The following SLC24A3 variants were observed in gnomAD, a reference collection of about 807,000 sequenced individuals.
SLC24A3 encodes the protein sodium/potassium/calcium exchanger 3.
A neutral mutation model predicts 75.8 loss-of-function variants in SLC24A3; 28 were observed. That is an observed-to-expected ratio of 0.37 (90% CI 0.27 to 0.51). The LOEUF (loss-of-function observed/expected upper bound fraction) is 0.51, where lower values mean the gene tolerates loss of function less well. SLC24A3 is among the 20% of genes least tolerant of loss of function. SLC24A3 has a pLI of 0.94. For synonymous variants in SLC24A3, 372 were observed against 334.1 expected (o/e 1.11, Z -1.24); for missense variants, 663 against 847.8 (o/e 0.78, Z 2.71).
At chr20:19,417,177 A>C (rs1160399727) in intron 2 of SLC24A3, among the ~76,000 whole-genome samples, 1 of 152,200 alleles carries the variant, frequency 6.6e-6, no homozygotes. Flanking sequence ...ACCCGTGAAC[A>C]ACCTTTAGCA....
rs117248396 is a variant in SLC24A3 at position 19,582,819 on chromosome 20, C to T, written c.424-2152C>T. Among the ~76,000 whole-genome samples the T allele has an allele frequency of 6.3e-3, 962 of 152,230 alleles. 9 individuals are homozygous for T. The highest frequency in any genetic ancestry group is 0.027 in the Middle Eastern group (8 of 294). ...AGAGTGAACATGAACCAAAGCGCAG[C>T]GAGTGGAAGGGCCTGGCATCCCCAA... is the stretch of plus-strand genomic sequence containing the variant. On this transcript the variant is annotated intron_variant, in intron 4 of 16. Transcript: ENST00000328041.
intron 6 of SLC24A3, among the ~76,000 whole-genome samples, chr20:19,591,270 A>G (rs2031373314): frequency 6.6e-6 from 1 of 152,164 alleles, no homozygotes; most frequent in Admixed American, 6.5e-5. Flanking sequence ...CTGAAGTCAG[A>G]TTCATTCTCA....
At chr20:19,455,111 A>G (rs1474314285) in intron 2 of SLC24A3, among the ~76,000 whole-genome samples, 2 of 152,224 alleles carry the variant, frequency 1.3e-5, no homozygotes. Flanking sequence ...ATTTGCAAGT[A>G]GAATGGAGTC....
chr20:19,527,504 T>C (rs900374701), intron 3 of SLC24A3, among the ~76,000 whole-genome samples: 3 of 152,138 alleles, frequency 2.0e-5, no homozygotes, highest in African/African-American at 7.2e-5. Context: ...AAGATGAACT[T>C]TGGGGGGCCA....
chr20:19,266,646 A>G (rs1983176272), intron 1 of SLC24A3, among the ~76,000 whole-genome samples: 1 of 152,326 alleles, frequency 6.6e-6, no homozygotes, highest in Non-Finnish European at 1.5e-5. Context: ...GTCAAATTCT[A>G]CTCAATTGGA....
chr20:19,271,239 G>T (rs1460909243), intron 1 of SLC24A3, among the ~76,000 whole-genome samples: 1 of 152,026 alleles, frequency 6.6e-6, no homozygotes, highest in Non-Finnish European at 1.5e-5. Flanking sequence ...AAATGGGAAT[G>T]TCAACCTCAC....
At position 19,383,688 on chromosome 20, in the gene SLC24A3, T is replaced by C. The variant is rs534804839; in HGVS notation, c.271+102601T>C. Among the ~76,000 whole-genome samples the C allele has an allele frequency of 1.9e-4, 29 of 152,298 alleles. No individual in the cohort carries two copies. The South Asian group carries it at 6.0e-3, about 32-fold the overall frequency. ...AAAATGCCATAGACTGGGTGGCTTA[T>C]AAACAACAGAAATTTCTTTCTCACA... On this transcript the variant is annotated intron_variant, in intron 2 of 16. Transcript: ENST00000328041.
At position 19,513,738 on chromosome 20, in the gene SLC24A3, GAA is replaced by G. The variant is rs11286635; in HGVS notation, c.272-1738_272-1737del. ...ACAGGTGGGTCTTGCTTTTTTTTTA[GAA>G]AAAAAAAAAAAGCCTTTTTGAGATA... On this transcript the variant is annotated intron_variant, in intron 2 of 16. Coordinates refer to ENST00000328041, the MANE Select transcript of SLC24A3 (RefSeq NM_020689.4). 3.5e-3 allele frequency among the ~76,000 whole-genome samples: 492 copies of G among 141,762 alleles called. 3 individuals carry two copies. Among genetic ancestry groups the G allele is most frequent in the Middle Eastern group, 7.3e-3 (2 of 274 alleles). The allele number at this position is 141,762 out of a possible 152,430, so 93.0% of individuals were successfully genotyped here. A position where few individuals can be genotyped will look rare whatever the true frequency, so the allele number is the denominator to read the frequency against.
chr20:19,422,631 G>A (rs1022263779), intron 2 of SLC24A3, among the ~76,000 whole-genome samples: 5 of 152,190 alleles, frequency 3.3e-5, no homozygotes, highest in African/African-American at 7.2e-5. Flanking sequence ...TGTTCCTTCC[G>A]CAGAGTGAGG....
rs187336036 is a variant in SLC24A3 at position 19,574,986 on chromosome 20, A to G, written c.349-5014A>G. 1.8e-3 allele frequency among the ~76,000 whole-genome samples: 275 copies of G among 152,194 alleles called. 2 individuals carry two copies. Among genetic ancestry groups the G allele is most frequent in the African/African-American group, 6.2e-3 (256 of 41,524 alleles). On this transcript the variant is annotated intron_variant, in intron 3 of 16. Coordinates refer to ENST00000328041, the MANE Select transcript of SLC24A3 (RefSeq NM_020689.4). ...TACACCAGGCCAGCTGCGGTGGCTC[A>G]CAGCTGCAATCCCAGCACTTTGGGA...
chr20:19,327,836 C>T (rs1356391864), intron 2 of SLC24A3, among the ~76,000 whole-genome samples: 2 of 152,122 alleles, frequency 1.3e-5, no homozygotes, highest in Non-Finnish European at 2.9e-5. Context: ...GTGTGTCACT[C>T]ATTATGTGTT....
At chr20:19,346,319 A>C in intron 2 of SLC24A3, among the ~76,000 whole-genome samples, 1 of 100,722 alleles carries the variant, frequency 9.9e-6, no homozygotes, top group South Asian at 3.0e-4. Flanking sequence ...TATATATGGT[A>C]TATATATATG....
chr20:19,308,385 C>T (rs1005826532), intron 2 of SLC24A3, among the ~76,000 whole-genome samples: 1 of 152,198 alleles, frequency 6.6e-6, no homozygotes, highest in Non-Finnish European at 1.5e-5. Context: ...TCTGAAATTG[C>T]AGAAGACTGA....
At chr20:19,578,390 T>C (rs1283472804) in intron 3 of SLC24A3, among the ~76,000 whole-genome samples, 2 of 152,018 alleles carry the variant, frequency 1.3e-5, no homozygotes, top group African/African-American at 4.8e-5. Flanking sequence ...GGTCGGCTTC[T>C]CACTGTGGGA....
intron 2 of SLC24A3, among the ~76,000 whole-genome samples, chr20:19,443,634 C>G (rs929418319): frequency 2.6e-5 from 4 of 152,150 alleles, no homozygotes; most frequent in African/African-American, 9.7e-5. Flanking sequence ...AGTTTCATTT[C>G]TTCTTCTCCA....
intron 6 of SLC24A3, among the ~76,000 whole-genome samples, chr20:19,642,271 A>G (rs2032085112): frequency 6.6e-6 from 1 of 152,190 alleles, no homozygotes. Flanking sequence ...CTATTTGCAA[A>G]TGTTCACTGT....
At position 19,486,004 on chromosome 20, in the gene SLC24A3, G is replaced by A. The variant is rs1370824536; in HGVS notation, c.272-29484G>A. 2.0e-5 allele frequency among the ~76,000 whole-genome samples: 3 copies of A among 152,156 alleles called. No individual in the cohort carries two copies. The East Asian group carries it at 5.8e-4, about 29-fold the overall frequency. On this transcript the variant is annotated intron_variant, in intron 2 of 16. Coordinates refer to ENST00000328041, the MANE Select transcript of SLC24A3 (RefSeq NM_020689.4). ...ACCTGCAAGGGGTCTGGTATAGGTG[G>A]GTGCAGGGTCAGCTGCAGTGTGGGG...
intron 7 of SLC24A3, among the ~76,000 whole-genome samples, chr20:19,661,596 G>A (rs758895342): frequency 2.6e-5 from 4 of 152,220 alleles, no homozygotes; most frequent in Non-Finnish European, 4.4e-5. Context: ...GAAAGAAAAC[G>A]ATGATGTTGA....
rs755639745 is a variant in SLC24A3 at position 19,693,265 on chromosome 20, A to G, written c.1331A>G (p.Lys444Arg). 5.6e-6 allele frequency: 9 copies of G among 1,606,910 alleles called. No individual in the cohort carries two copies. In the Admixed American group the frequency reaches 1.0e-4, roughly 18 times the overall value. ...GCCTTTTTCATTTTTCCAGCGGGTA[A>G]ACTGGAAACAGTGAAATGGGCGTTC... ...PYTPFDTPSG[K>R]LETVKWAFTW... The change falls in exon 13 of 17, where the codon AAA (lysine) becomes AGA (arginine). Residue 444 changes from lysine (K) to arginine (R), a missense_variant. Coordinates refer to ENST00000328041, the MANE Select transcript of SLC24A3 (RefSeq NM_020689.4).
Sources: allele counts gnomAD v4.1 joint callset (sites outside exome capture counted in the v4.1 genomes callset), GRCh38; gene constraint gnomAD v4.1.1; transcripts MANE v1.5; gene names NCBI Gene and HGNC (gene_info 2026-07-23, HGNC 2026-07-21).